ACSM2B: variants seen among roughly 807,000 people sequenced by gnomAD.
ACSM2B encodes acyl-CoA synthetase medium chain family member 2B.
In ACSM2B, 58 loss-of-function variants were observed where a neutral mutation model predicts 78.6. The ratio of observed to expected loss-of-function variants is 0.74; its 90% CI spans 0.60 to 0.92. The LOEUF is 0.92. ACSM2B is among the 40% of genes least tolerant of loss of function. The pLI, the probability that ACSM2B is intolerant of heterozygous loss-of-function variation, is 0.00. For synonymous variants in ACSM2B, 257 were observed against 256.8 expected, an observed-to-expected ratio of 1.00 and a Z score of -0.01; for missense variants, 688 against 711.2, an observed-to-expected ratio of 0.97 and a Z score of 0.37.
chr16:20,570,960 C>T (rs955675790), intron 1 of ACSM2B, among the ~76,000 whole-genome samples: 2 of 151,166 alleles, frequency 1.3e-5, no homozygotes, highest in Non-Finnish European at 2.9e-5. Context: ...GATTTTCTCT[C>T]TTCTTTTTTT....
At chr16:20,570,847 A>G (rs994188974) in intron 1 of ACSM2B, among the ~76,000 whole-genome samples, 3 of 151,748 alleles carry the variant, frequency 2.0e-5, no homozygotes, top group Non-Finnish European at 4.4e-5. Flanking sequence ...TAAGTTTTTT[A>G]GTTTATGTGC....
chr16:20,560,665 G>C (rs2015625553), intron 2 of ACSM2B, among the ~76,000 whole-genome samples: 1 of 151,966 alleles, frequency 6.6e-6, no homozygotes, highest in Non-Finnish European at 1.5e-5. Flanking sequence ...ACCAGAAGTG[G>C]GATATTGCTA....
At chr16:20,552,765 T>G (rs2015358970) in intron 5 of ACSM2B, among the ~76,000 whole-genome samples, 1 of 152,212 alleles carries the variant, frequency 6.6e-6, no homozygotes, top group South Asian at 2.1e-4. Context: ...CTAAGTGAAC[T>G]CATCCCTTTT....
intron 8 of ACSM2B, chr16:20,547,494 G>C (rs1027013915): frequency 1.0e-6 from 1 of 975,950 alleles, no homozygotes; most frequent in African/African-American, 1.8e-5. Flanking sequence ...AGAAGAGTTG[G>C]GGAAAAGTAT....
At position 20,560,834 on chromosome 16, in the gene ACSM2B, A is replaced by T. The variant is rs781326570; in HGVS notation, c.178-1387T>A. On this transcript the variant is annotated intron_variant, in intron 2 of 13. Coordinates refer to ENST00000329697, the MANE Select transcript of ACSM2B (RefSeq NM_001105069.2). ...GAACAAAATGCTGATAGAATTATGG[A>T]CAATGAAATGCAGGCTGACCAGATT... 3.3e-5 allele frequency among the ~76,000 whole-genome samples: 5 copies of T among 152,222 alleles called. No individual in the cohort carries two copies. The Middle Eastern group carries it at 0.014, about 414-fold the overall frequency.
intron 1 of ACSM2B, among the ~76,000 whole-genome samples, chr16:20,566,346 G>A (rs1489465022): frequency 1.5e-5 from 2 of 130,696 alleles, no homozygotes; most frequent in East Asian, 4.2e-4. Context: ...AGGCACAGGA[G>A]CATGGCTAAA....
intron 1 of ACSM2B, among the ~76,000 whole-genome samples, chr16:20,566,294 T>C (rs2015837917): frequency 7.6e-6 from 1 of 131,242 alleles, no homozygotes; most frequent in Non-Finnish European, 1.6e-5. Context: ...TAGACAGATA[T>C]ATAGATATAT....
At chr16:20,558,945 T>A (rs1207352048) in intron 3 of ACSM2B, among the ~76,000 whole-genome samples, 4 of 152,236 alleles carry the variant, frequency 2.6e-5, no homozygotes, top group African/African-American at 9.7e-5. Flanking sequence ...ATACCACTTA[T>A]CATAATTCTG....
At chr16:20,548,292 G>A (rs577817277) in intron 7 of ACSM2B, 102 bp downstream of exon 7, 2 of 1,604,946 alleles carry the variant, frequency 1.2e-6, no homozygotes, top group Non-Finnish European at 1.7e-6. Flanking sequence ...GCTTCATGGG[G>A]CTCTCTGTGT....
At chr16:20,550,049 A>G (rs1455462228) in intron 6 of ACSM2B, among the ~76,000 whole-genome samples, 1 of 152,158 alleles carries the variant, frequency 6.6e-6, no homozygotes, top group Non-Finnish European at 1.5e-5. Flanking sequence ...CCAGAAAGGT[A>G]TAATGAGGCA....
intron 8 of ACSM2B, 57 bp downstream of exon 8, chr16:20,548,005 G>C: frequency 6.3e-7 from 1 of 1,598,960 alleles, no homozygotes; most frequent in South Asian, 1.1e-5. Context: ...TATTGTCAAA[G>C]AGAATTTTGA....
At chr16:20,548,209 G>C (rs767858638) in intron 7 of ACSM2B, 24 bp from the exon 8 acceptor site, 15 of 1,613,836 alleles carry the variant, frequency 9.3e-6, no homozygotes, top group East Asian at 2.2e-5. Flanking sequence ...ATAAATGTTT[G>C]CCCTCAGCCT....
At chr16:20,561,261 C>A (rs1158548497) in intron 2 of ACSM2B, among the ~76,000 whole-genome samples, 8 of 151,670 alleles carry the variant, frequency 5.3e-5, no homozygotes, top group Admixed American at 2.0e-4. Context: ...ATATCTGACA[C>A]TGGGTAATTT....
chr16:20,575,996 C>T (rs2016239559), intron 1 of ACSM2B, among the ~76,000 whole-genome samples: 1 of 150,228 alleles, frequency 6.7e-6, no homozygotes, highest in Admixed American at 6.6e-5. Context: ...TTCCAGCTGC[C>T]CTCGTCTCTC....
intron 10 of ACSM2B, among the ~76,000 whole-genome samples, chr16:20,544,113 G>T (rs752559452): frequency 1.3e-5 from 2 of 152,194 alleles, no homozygotes; most frequent in Non-Finnish European, 2.9e-5. Context: ...ATGGGGAGAA[G>T]CCCATGACAT....
chr16:20,563,685 G>A (rs961835510), intron 2 of ACSM2B, among the ~76,000 whole-genome samples: 56 of 151,532 alleles, frequency 3.7e-4, no homozygotes, highest in Non-Finnish European at 7.4e-4. Context: ...ACCTAGGGCC[G>A]TCTTCAGCCT....
intron 2 of ACSM2B, among the ~76,000 whole-genome samples, chr16:20,559,798 C>G (rs1486698285): frequency 2.0e-5 from 3 of 150,758 alleles, no homozygotes; most frequent in Non-Finnish European, 4.4e-5. Flanking sequence ...TTTATTGCAT[C>G]TATTTATTCT....
At chr16:20,574,213 A>G (rs1247891175) in intron 1 of ACSM2B, 52 of 151,948 alleles carry the variant, frequency 3.4e-4, no homozygotes, top group African/African-American at 1.2e-3. Context: ...CTGCAAGAAG[A>G]AAAATATGGC....
intron 7 of ACSM2B, 72 bp downstream of exon 7, chr16:20,548,322 A>G (rs2015204828): frequency 1.2e-6 from 2 of 1,605,894 alleles, no homozygotes; most frequent in African/African-American, 2.7e-5. Context: ...TCAGATAGAT[A>G]GGCATGAATG....
Sources: allele counts gnomAD v4.1 joint callset (sites outside exome capture counted in the v4.1 genomes callset), GRCh38; gene constraint gnomAD v4.1.1; transcripts MANE v1.5; gene names NCBI Gene and HGNC (gene_info 2026-07-23, HGNC 2026-07-21).